Variants in LARGE1 observed in about 807,000 individuals in gnomAD.
LARGE1 encodes the protein LARGE xylosyl- and glucuronyltransferase 1.
A neutral mutation model predicts 87.6 loss-of-function variants in LARGE1; 43 were observed. The ratio of observed to expected loss-of-function variants is 0.49; its 90% CI spans 0.38 to 0.63. LARGE1 has a LOEUF of 0.63. Among genes scored for constraint, LARGE1 ranks in the 30% least tolerant of loss-of-function variants. The probability of loss-of-function intolerance (pLI) is 0.00; values close to 1 mark genes in which losing one functional copy is unlikely to be tolerated. For missense variants in LARGE1, 802 were observed against 1,000.2 expected (o/e 0.80, Z 2.67); for synonymous variants, 434 against 394.6 (o/e 1.10, Z -1.18).
At chr22:33,579,034 A>G (rs924450217) in intron 5 of LARGE1, among the ~76,000 whole-genome samples, 8 of 152,224 alleles carry the variant, frequency 5.3e-5, no homozygotes, top group Admixed American at 3.3e-4. Context: ...GCTTGGAAAC[A>G]TATGTCCAGA....
At chr22:33,459,952 T>C (rs1295767296) in intron 6 of LARGE1, among the ~76,000 whole-genome samples, 3 of 152,198 alleles carry the variant, frequency 2.0e-5, no homozygotes, top group Non-Finnish European at 4.4e-5. Flanking sequence ...GATAAGTGGA[T>C]GGGCACTGAT....
chr22:33,450,476 G>C (rs1323961071), intron 6 of LARGE1, among the ~76,000 whole-genome samples: 2 of 151,642 alleles, frequency 1.3e-5, no homozygotes, highest in Non-Finnish European at 2.9e-5. Context: ...AGCCAGGTGT[G>C]GTGGCGGGTG....
intron 6 of LARGE1, among the ~76,000 whole-genome samples, chr22:33,553,452 G>A (rs943156326): frequency 1.6e-5 from 2 of 126,142 alleles, no homozygotes; most frequent in Non-Finnish European, 3.6e-5. Context: ...GGAATTTCAG[G>A]TGGCAATGAG....
intron 2 of LARGE1, chr22:33,732,253 C>G (rs1018449448): frequency 6.6e-6 from 1 of 152,188 alleles, no homozygotes; most frequent in Non-Finnish European, 1.5e-5. Context: ...CTTCTGCCCA[C>G]AGAGAAGCAG....
intron 1 of LARGE1, among the ~76,000 whole-genome samples, chr22:33,799,284 CTGTT>C (rs1386907772): frequency 1.3e-5 from 2 of 152,108 alleles, no homozygotes; most frequent in African/African-American, 4.8e-5. Context: ...CCACTGCCCA[CTGTT>C]TGATCAGTTA....
chr22:33,903,962 C>CA (rs1338408515), intron 1 of LARGE1, among the ~76,000 whole-genome samples: 8 of 152,148 alleles, frequency 5.3e-5, no homozygotes, highest in Non-Finnish European at 8.8e-5. Context: ...GGGAAGTACA[C>CA]ACAGGACAGT....
At chr22:33,205,842 C>G (rs918023944) in intron 11 of LARGE1, among the ~76,000 whole-genome samples, 1 of 152,000 alleles carries the variant, frequency 6.6e-6, no homozygotes, top group African/African-American at 2.4e-5. Context: ...TGCAATGGCC[C>G]GATCTCTGCT....
rs191357848 is a variant in LARGE1 at position 33,672,333 on chromosome 22, T to G, written c.107-21665A>C. Reference sequence around the variant, plus strand: ...AAAAGCTATCCCATCTATTAACCCTTCCACCTCATTCCTGAGGTTTCAATG... The same window carrying G: ...AAAAGCTATCCCATCTATTAACCCTGCCACCTCATTCCTGAGGTTTCAATG... On this transcript the variant is annotated intron_variant, in intron 2 of 14. Coordinates refer to ENST00000397394, the MANE Select transcript of LARGE1 (RefSeq NM_133642.5). 1.5e-3 allele frequency among the ~76,000 whole-genome samples: 233 copies of G among 152,308 alleles called. 1 individual carries two copies. The highest frequency in any genetic ancestry group is 5.3e-3 in the African/African-American group (220 of 41,568).
chr22:33,647,799 C>T (rs1488287580), intron 3 of LARGE1, among the ~76,000 whole-genome samples: 1 of 151,992 alleles, frequency 6.6e-6, no homozygotes, highest in African/African-American at 2.4e-5. Flanking sequence ...GCACTGTCAC[C>T]CAGGCTGGAG....
At chr22:33,544,046 C>T (rs28703205) in intron 6 of LARGE1, among the ~76,000 whole-genome samples, 1 of 152,040 alleles carries the variant, frequency 6.6e-6, no homozygotes, top group Non-Finnish European at 1.5e-5. Flanking sequence ...ATCCTGGGTG[C>T]TGAGTCTCTC....
chr22:33,422,895 C>T (rs2066744110), intron 7 of LARGE1, among the ~76,000 whole-genome samples: 1 of 152,124 alleles, frequency 6.6e-6, no homozygotes, highest in Non-Finnish European at 1.5e-5. Context: ...CCAGGCCCCA[C>T]CTAAACACTG....
chr22:33,745,750 G>A (rs925014548), intron 2 of LARGE1, among the ~76,000 whole-genome samples: 2 of 152,102 alleles, frequency 1.3e-5, no homozygotes, highest in Non-Finnish European at 2.9e-5. Flanking sequence ...GATCCCAGGA[G>A]GCAAAGAAAA....
At chr22:33,471,525 G>T (rs751993221) in intron 6 of LARGE1, among the ~76,000 whole-genome samples, 2 of 152,070 alleles carry the variant, frequency 1.3e-5, no homozygotes, top group South Asian at 4.1e-4. Flanking sequence ...CTCTCATCAT[G>T]AATTTTTTTG....
intron 6 of LARGE1, among the ~76,000 whole-genome samples, chr22:33,496,015 A>T (rs562014235): frequency 1.4e-4 from 22 of 152,270 alleles, no homozygotes; most frequent in African/African-American, 5.3e-4. Flanking sequence ...TCACACAATC[A>T]CAAGTTGAGG....
chr22:33,614,481 A>G (rs890372459), intron 4 of LARGE1, among the ~76,000 whole-genome samples: 1 of 152,098 alleles, frequency 6.6e-6, no homozygotes, highest in African/African-American at 2.4e-5. Context: ...AGCCTCTCGC[A>G]TGGAGCAAAA....
At chr22:33,265,983 A>G (rs1290810914) in intron 11 of LARGE1, among the ~76,000 whole-genome samples, 1 of 152,158 alleles carries the variant, frequency 6.6e-6, no homozygotes, top group African/African-American at 2.4e-5. Context: ...ACAGGCCAAG[A>G]AAAGATAAAT....
intron 1 of LARGE1, among the ~76,000 whole-genome samples, chr22:33,916,552 T>C (rs2065792726): frequency 1.3e-5 from 2 of 152,282 alleles, no homozygotes; most frequent in African/African-American, 2.4e-5. Flanking sequence ...AAATACTCCA[T>C]GTAGAGCGAC....
chr22:33,499,222 C>T (rs954738819), intron 6 of LARGE1, among the ~76,000 whole-genome samples: 2 of 152,134 alleles, frequency 1.3e-5, no homozygotes, highest in African/African-American at 4.8e-5. Flanking sequence ...GAACAGGATT[C>T]GCCAAAGGAA....
At chr22:33,149,332 G>A in the LARGE1 span, among the ~76,000 whole-genome samples, 1 of 152,068 alleles carries the variant, frequency 6.6e-6, no homozygotes, top group South Asian at 2.1e-4. Flanking sequence ...GTGAGCCACC[G>A]CACCTGGCCT....
Sources: allele counts gnomAD v4.1 joint callset (sites outside exome capture counted in the v4.1 genomes callset), GRCh38; gene constraint gnomAD v4.1.1; transcripts MANE v1.5; gene names NCBI Gene and HGNC (gene_info 2026-07-23, HGNC 2026-07-21).